Variants in GDF1 observed in about 807,000 individuals in gnomAD.
GDF1 encodes the protein embryonic growth/differentiation factor 1.
GDF1 carries 8 observed loss-of-function variants against 7.4 expected under a neutral mutation model. The observed-to-expected ratio is 1.09, with a 90% confidence interval of 0.64 to 1.96. The LOEUF (loss-of-function observed/expected upper bound fraction) is 1.96. Among genes scored for constraint, GDF1 ranks in the 30% most tolerant of loss-of-function variants. The pLI, the probability that GDF1 is intolerant of heterozygous loss-of-function variation, is 0.00. For missense variants in GDF1, 574 were observed against 551.5 expected (o/e 1.04, Z -0.41); for synonymous variants, 311 against 276.7 (o/e 1.12, Z -1.23).
At position 18,891,518 on chromosome 19, in the gene GDF1, C is replaced by T. The variant is rs1397937364; in HGVS notation, c.-914+1898G>A. On this transcript the variant is annotated intron_variant, in intron 2 of 7. Coordinates refer to ENST00000247005, the MANE Select transcript of GDF1 (RefSeq NM_001492.6). ...CAGTCACCTCCCTGCCCAGCCCACC[C>T]GGAGCTCAGGCCACATCCACTCCAA... Among the ~76,000 whole-genome samples, 4 of 151,652 alleles carry T rather than the reference C, an allele frequency of 2.6e-5. No individual in the cohort carries two copies. The South Asian group carries it at 6.2e-4, about 24-fold the overall frequency.
Position 18,896,005 on chromosome 19 carries a change from A to C in GDF1, c.-1255T>G, listed in dbSNP as rs1359065344. ...CAGCGCGCTGCCCCAGCCGCGCTGC[A>C]CTAGCTGCGCGTAGCTCGGCATGGG... On this transcript the variant is annotated 5_prime_UTR_variant, in exon 1 of 8. Coordinates refer to ENST00000247005, the MANE Select transcript of GDF1 (RefSeq NM_001492.6). The surrounding 1 kb of genome is among the most constrained non-coding windows in gnomAD (Gnocchi z 5.9). The C allele has an allele frequency of 4.9e-6, 5 of 1,017,636 alleles. No homozygotes were observed. In the South Asian group the frequency reaches 1.9e-4, roughly 39 times the overall value. 63.0% of individuals were successfully genotyped at this position (1,017,636 alleles called of 1,614,324 possible).
chr19:18,884,263 C>T lies in GDF1; in HGVS notation c.-909G>A, dbSNP rs746326819. The T allele has an allele frequency of 6.2e-7, 1 of 1,611,238 alleles. No homozygotes were observed. The highest frequency in any genetic ancestry group is 8.5e-7 in the Non-Finnish European group (1 of 1,179,242). On this transcript the variant is annotated 5_prime_UTR_variant, in exon 3 of 8. It introduces an in-frame stop codon into an upstream open reading frame of the 5' UTR. Coordinates refer to ENST00000247005, the MANE Select transcript of GDF1 (RefSeq NM_001492.6). ...CCCGTGGCACTGCCATGCCCGGCGT[C>T]CAGTCTGGGGAGAGCCAAATCTCAC...
rs1023244259 is a variant in GDF1 at position 18,880,393 on chromosome 19, G to A, written c.-690C>T. 2 of 1,587,160 alleles carry A rather than the reference G, an allele frequency of 1.3e-6. No homozygotes were observed. The highest frequency in any genetic ancestry group is 2.3e-5 in the South Asian group (2 of 86,832). On this transcript the variant is annotated 5_prime_UTR_variant, in exon 4 of 8. Coordinates refer to ENST00000247005, the MANE Select transcript of GDF1 (RefSeq NM_001492.6). ...TGGTGAACTCAAGCTGCACGTCACT[G>A]ATATCGTGCAGGAAGAGCACAAGGA...
Position 18,869,199 on chromosome 19 carries a change from C to G in GDF1, c.517G>C (p.Gly173Arg). Residue 173 changes from glycine to arginine, a missense_variant, in exon 8 of 8, where the codon GGC (glycine) becomes CGC (arginine). By Grantham distance (125) the Gly-to-Arg change is moderately radical. Coordinates refer to ENST00000247005, the MANE Select transcript of GDF1 (RefSeq NM_001492.6). ...ACCGGCCCGGGGTCCGCGCCCGCGC[C>G]CTGGCCCGCTTGCGCCACGCTCAGC... The part of the protein sequence containing the change: ...WELSVAQAGQ[G>R]AGADPGPVLL... The G allele has an allele frequency of 8.0e-7, 1 of 1,254,510 alleles. No individual in the cohort carries two copies. The highest frequency in any genetic ancestry group is 1.0e-6 in the Non-Finnish European group (1 of 1,001,912). The allele number at this position is 1,254,510 out of a possible 1,614,324, so 77.7% of individuals were successfully genotyped here. A position where few individuals can be genotyped will look rare whatever the true frequency, so the allele number is the denominator to read the frequency against.
intron 3 of GDF1, among the ~76,000 whole-genome samples, chr19:18,881,076 G>A (rs1335504850): frequency 6.6e-6 from 1 of 152,008 alleles, no homozygotes; most frequent in African/African-American, 2.4e-5. Flanking sequence ...CAGGCCTGGG[G>A]TACTCTGTGT....
In GDF1 at chr19:18,880,357, A is replaced by G; in HGVS notation, c.-654T>C. The G allele has an allele frequency of 6.4e-7, 1 of 1,569,256 alleles. No homozygotes were observed. The highest frequency in any genetic ancestry group is 1.4e-5 in the African/African-American group (1 of 73,948). On this transcript the variant is annotated 5_prime_UTR_variant, in exon 4 of 8. Coordinates refer to ENST00000247005, the MANE Select transcript of GDF1 (RefSeq NM_001492.6). ...AGGAGCCGCCGCGGGACTTGAAGTAAATGTTGAGCTTGGTGAACTCAAGCT... is the reference window on the plus strand; with the variant it reads ...AGGAGCCGCCGCGGGACTTGAAGTAGATGTTGAGCTTGGTGAACTCAAGCT...
At chr19:18,872,726 G>C (rs536729310) in intron 6 of GDF1, among the ~76,000 whole-genome samples, 3 of 91,930 alleles carry the variant, frequency 3.3e-5, no homozygotes, top group Non-Finnish European at 4.8e-5. Flanking sequence ...ATGTTGGCCA[G>C]GCTGGTCTAG....
chr19:18,896,059 CCCG>C lies in GDF1; in HGVS notation c.-1312_-1310del, dbSNP rs996708246. Reference sequence around the variant, plus strand: ...GGGCCCCGTCGGCCCCGCCGCGGGCCCCGCCGCCGCCATACCGCCCGCTCGCCC... The same window carrying C: ...GGGCCCCGTCGGCCCCGCCGCGGGCCCCGCCGCCATACCGCCCGCTCGCCC... On this transcript the variant is annotated 5_prime_UTR_variant, in exon 1 of 8. Transcript: ENST00000247005. The surrounding 1 kb of genome is among the most constrained non-coding windows in gnomAD (Gnocchi z 5.9). 10 of 982,020 alleles carry C rather than the reference CCCG, an allele frequency of 1.0e-5. No homozygotes were observed. The highest frequency in any genetic ancestry group is 4.6e-5 in the South Asian group (1 of 21,908). The allele number at this position is 982,020 out of a possible 1,614,324, so 60.8% of individuals were successfully genotyped here.
chr19:18,878,995 G>C lies in GDF1; in HGVS notation c.-378C>G, dbSNP rs767643146. 7 of 1,613,640 alleles carry C rather than the reference G, an allele frequency of 4.3e-6. No individual in the cohort carries two copies. The East Asian group carries it at 1.6e-4, about 36-fold the overall frequency. On this transcript the variant is annotated 5_prime_UTR_variant, in exon 6 of 8. Coordinates refer to ENST00000247005, the MANE Select transcript of GDF1 (RefSeq NM_001492.6). The surrounding 1 kb of genome is among the most constrained non-coding windows in gnomAD (Gnocchi z 4.6). ...CATACTCCCGCAGGTCCTTCAGCTC[G>C]TGCACCTGGCCTGTCAACACCTTGG...
intron 2 of GDF1, among the ~76,000 whole-genome samples, chr19:18,886,242 CA>C (rs1340768781): frequency 6.7e-6 from 1 of 150,012 alleles, no homozygotes; most frequent in Non-Finnish European, 1.5e-5. Flanking sequence ...GCTGTCTCTG[CA>C]AAAAAATATA....
intron 2 of GDF1, among the ~76,000 whole-genome samples, chr19:18,887,075 AG>A (rs1321511116): frequency 6.6e-6 from 1 of 152,272 alleles, no homozygotes; most frequent in Non-Finnish European, 1.5e-5. Flanking sequence ...TGTCTACAGC[AG>A]CACACAACCA....
chr19:18,893,752 A>T (rs941249901), intron 1 of GDF1, among the ~76,000 whole-genome samples, 177 bp from the exon 2 acceptor site: 6 of 152,102 alleles, frequency 3.9e-5, no homozygotes, highest in African/African-American at 1.4e-4. Flanking sequence ...TGCCAAGGCT[A>T]AACTTAGTGC....
At chr19:18,892,725 G>A (rs150662527) in intron 2 of GDF1, among the ~76,000 whole-genome samples, 2 of 152,056 alleles carry the variant, frequency 1.3e-5, no homozygotes, top group East Asian at 3.9e-4. Context: ...GCCTTTGCAC[G>A]TGCTGTTACC....
At chr19:18,888,530 A>C (rs961248591) in intron 2 of GDF1, among the ~76,000 whole-genome samples, 50 of 144,462 alleles carry the variant, frequency 3.5e-4, no homozygotes, top group African/African-American at 1.2e-3. Flanking sequence ...AAAAAAAAAA[A>C]AAAAAAAAAA....
chr19:18,873,894 A>G (rs768036018), intron 6 of GDF1, among the ~76,000 whole-genome samples: 20 of 151,530 alleles, frequency 1.3e-4, no homozygotes, highest in Non-Finnish European at 2.2e-4. Context: ...GGTTAGCACC[A>G]AGAGAGCCAC....
intron 6 of GDF1, among the ~76,000 whole-genome samples, chr19:18,873,230 A>AGAT (rs1012016277): frequency 1.8e-4 from 27 of 152,242 alleles, no homozygotes; most frequent in African/African-American, 5.8e-4. Flanking sequence ...ATATTTTAGA[A>AGAT]GATGCTGGAA....
intron 1 of GDF1, among the ~76,000 whole-genome samples, chr19:18,894,520 G>A (rs2056577429): frequency 6.6e-6 from 1 of 152,134 alleles, no homozygotes; most frequent in Admixed American, 6.5e-5. Context: ...GGCTGGGGAG[G>A]GCCCCCGGGG....
At chr19:18,873,905 A>T (rs2056018359) in intron 6 of GDF1, among the ~76,000 whole-genome samples, 1 of 151,552 alleles carries the variant, frequency 6.6e-6, no homozygotes, top group African/African-American at 2.4e-5. Flanking sequence ...AGAGAGCCAC[A>T]TGGGAGCTGG....
Position 18,878,310 on chromosome 19 carries a change from C to G in GDF1, c.-313+620G>C, listed in dbSNP as rs1323677284. ...TGGCCCAGACACCCCCTGCCTGCCCCAGGCCTGGGGCTTCGGACACCATCT... is the reference window on the plus strand; with the variant it reads ...TGGCCCAGACACCCCCTGCCTGCCCGAGGCCTGGGGCTTCGGACACCATCT... On this transcript the variant is annotated intron_variant, in intron 6 of 7. Transcript: ENST00000247005. The surrounding 1 kb of genome is among the most constrained non-coding windows in gnomAD (Gnocchi z 4.6). 6.1e-6 allele frequency: 6 copies of G among 985,926 alleles called. No homozygotes were observed. Among genetic ancestry groups the G allele is most frequent in the Non-Finnish European group, 7.2e-6 (6 of 830,526 alleles). 61.1% of individuals were successfully genotyped at this position (985,926 alleles called of 1,614,324 possible).
Sources: gnomAD v4.1 joint callset for allele counts (sites outside exome capture counted in the v4.1 genomes callset) on GRCh38, gnomAD v4.1.1 for gene constraint, Gnocchi (gnomAD v3.1) non-coding constraint, MANE v1.5 for transcripts, NCBI Gene and HGNC (gene_info 2026-07-23, HGNC 2026-07-21) for gene names.